Variants in CCDC6 observed in about 807,000 individuals in gnomAD.
CCDC6 encodes coiled-coil domain-containing protein 6.
A neutral mutation model predicts 56.6 loss-of-function variants in CCDC6; 20 were observed. That is an observed-to-expected ratio of 0.35 (90% CI 0.25 to 0.51). The LOEUF (loss-of-function observed/expected upper bound fraction) is 0.51. Among genes scored for constraint, CCDC6 ranks in the 20% least tolerant of loss-of-function variants. The pLI, the probability that CCDC6 is intolerant of heterozygous loss-of-function variation, is 0.95. For missense variants in CCDC6, 367 were observed against 601.1 expected (o/e 0.61, Z 4.07); for synonymous variants, 241 against 234.4 (o/e 1.03, Z -0.26).
intron 1 of CCDC6, among the ~76,000 whole-genome samples, chr10:59,901,959 T>G (rs1490519705): frequency 6.6e-6 from 1 of 152,138 alleles, no homozygotes; most frequent in Admixed American, 6.5e-5. Context: ...AAAAAGAAAT[T>G]ATGATCTGTA....
intron 6 of CCDC6, 165 bp downstream of exon 6, chr10:59,806,757 T>C: frequency 2.0e-6 from 1 of 501,268 alleles, no homozygotes. Context: ...TGTTCAATCT[T>C]TATCCCATTC....
rs1011775235 is a variant in CCDC6 at position 59,792,965 on chromosome 10, C to A, written c.1377G>T (p.Ser459=). ...CCGAATGTTGCGAAGGAGTAGGCTG[C>A]GAGGTGGCTGCTGAGGGGACCGTGG... is the stretch of plus-strand genomic sequence containing the variant. ...MQPTVPSAAT[S]QPTPSQHSAH... is the part of the protein sequence containing the mutation. Residue 459 remains serine (S), a synonymous_variant, in exon 9 of 9, where the codon TCG becomes TCT. Transcript: ENST00000263102. 2.5e-6 allele frequency: 4 copies of A among 1,612,082 alleles called. No individual in the cohort carries two copies. Among genetic ancestry groups the A allele is most frequent in the Non-Finnish European group, 3.4e-6 (4 of 1,179,158 alleles).
intron 1 of CCDC6, among the ~76,000 whole-genome samples, chr10:59,887,254 A>G (rs2071388862): frequency 6.6e-6 from 1 of 152,164 alleles, no homozygotes; most frequent in African/African-American, 2.4e-5. Flanking sequence ...CTGTCTGTAA[A>G]CAAGGATAAT....
At chr10:59,897,494 A>T (rs1310540440) in intron 1 of CCDC6, among the ~76,000 whole-genome samples, 1 of 152,152 alleles carries the variant, frequency 6.6e-6, no homozygotes, top group Non-Finnish European at 1.5e-5. Flanking sequence ...ACCTCAGGTG[A>T]TCCGCCTGCC....
intron 3 of CCDC6, among the ~76,000 whole-genome samples, chr10:59,829,609 A>G (rs2070818210): frequency 6.6e-6 from 1 of 152,236 alleles, no homozygotes; most frequent in Non-Finnish European, 1.5e-5. Flanking sequence ...AGAAGAGTAC[A>G]GATACAACAG....
At chr10:59,833,157 G>A (rs543436075) in intron 2 of CCDC6, among the ~76,000 whole-genome samples, 1 of 152,272 alleles carries the variant, frequency 6.6e-6, no homozygotes, top group African/African-American at 2.4e-5. Context: ...AAACCAAGAG[G>A]GAAAATGTTG....
intron 1 of CCDC6, among the ~76,000 whole-genome samples, chr10:59,873,714 C>T (rs915176371): frequency 1.3e-5 from 2 of 151,960 alleles, no homozygotes; most frequent in East Asian, 1.9e-4. Context: ...TTTTAATATG[C>T]CACTTTATTC....
chr10:59,900,805 TCC>T (rs1360020159), intron 1 of CCDC6, among the ~76,000 whole-genome samples: 1 of 152,196 alleles, frequency 6.6e-6, no homozygotes, highest in African/African-American at 2.4e-5. Context: ...ACACCTGTAA[TCC>T]TAGCACTTTG....
At chr10:59,876,068 GA>G (rs2071276886) in intron 1 of CCDC6, among the ~76,000 whole-genome samples, 2 of 8,518 alleles carry the variant, frequency 2.3e-4, no homozygotes, top group East Asian at 0.027. Context: ...TGCATGCACA[GA>G]TGTCTTTTTT....
At chr10:59,828,427 C>T (rs148354775) in intron 3 of CCDC6, among the ~76,000 whole-genome samples, 2 of 152,212 alleles carry the variant, frequency 1.3e-5, no homozygotes, top group African/African-American at 2.4e-5. Context: ...ATTTAAGATG[C>T]TAAATAAATG....
At position 59,790,294 on chromosome 10, in the gene CCDC6, C is replaced by A; in HGVS notation, c.*2623G>T. ...AGCCCCTGTTGCTCCCACCTGCCTG[C>A]AGGACGGCTACTGATTTTACAAAGG... On this transcript the variant is annotated 3_prime_UTR_variant, in exon 9 of 9. Coordinates refer to ENST00000263102, the MANE Select transcript of CCDC6 (RefSeq NM_005436.5). The A allele has an allele frequency of 4.5e-6, 1 of 220,732 alleles. No individual in the cohort carries two copies. The allele number at this position is 220,732 out of a possible 1,614,324, so 13.7% of individuals were successfully genotyped here. A position where few individuals can be genotyped will look rare whatever the true frequency, so the allele number is the denominator to read the frequency against.
At chr10:59,823,408 A>T (rs1171300365) in intron 3 of CCDC6, among the ~76,000 whole-genome samples, 2 of 152,142 alleles carry the variant, frequency 1.3e-5, no homozygotes, top group Non-Finnish European at 2.9e-5. Flanking sequence ...GCCAGTACCT[A>T]AGCAGCCAGC....
chr10:59,899,439 A>C (rs1430799546), intron 1 of CCDC6, among the ~76,000 whole-genome samples: 4 of 152,232 alleles, frequency 2.6e-5, no homozygotes. Context: ...TATTTCGGCA[A>C]GGCATGATTT....
intron 2 of CCDC6, among the ~76,000 whole-genome samples, chr10:59,840,863 T>C (rs1346248454): frequency 6.6e-6 from 1 of 152,248 alleles, no homozygotes; most frequent in Non-Finnish European, 1.5e-5. Context: ...TCAGTACTAC[T>C]TCCTGAATAA....
chr10:59,818,336 C>T (rs1269643290), intron 3 of CCDC6, among the ~76,000 whole-genome samples: 5 of 152,046 alleles, frequency 3.3e-5, no homozygotes, highest in East Asian at 3.9e-4. Context: ...CCTCAGCAAA[C>T]GTGGGCACCC....
intron 2 of CCDC6, among the ~76,000 whole-genome samples, chr10:59,833,654 G>GGGTT (rs79707242): frequency 1.9e-4 from 9 of 47,924 alleles, no homozygotes; most frequent in Non-Finnish European, 2.7e-4. Context: ...GGGGGGGGGG[G>GGGTT]TTTGTTGATC....
rs143744132 is a variant in CCDC6, at chr10:59,862,768, T to G, written c.304-10066A>C. On this transcript the variant is annotated intron_variant, in intron 1 of 8. Transcript: ENST00000263102. ...TTTGATAATATCAAGTGTTGACAAG[T>G]ATCAAGATCAGTGGGAATTCTTATA... 7.4e-4 allele frequency among the ~76,000 whole-genome samples: 113 copies of G among 152,188 alleles called. 1 individual carries two copies. Among genetic ancestry groups the G allele is most frequent in the African/African-American group, 2.7e-3 (113 of 41,500 alleles).
intron 3 of CCDC6, among the ~76,000 whole-genome samples, chr10:59,816,862 T>C (rs1424398675): frequency 6.6e-6 from 1 of 152,190 alleles, no homozygotes; most frequent in Admixed American, 6.5e-5. Context: ...GAGGGCTTAT[T>C]TGACAAGTGA....
chr10:59,889,986 G>A (rs914702971), intron 1 of CCDC6, among the ~76,000 whole-genome samples: 13 of 152,116 alleles, frequency 8.5e-5, no homozygotes, highest in African/African-American at 3.1e-4. Flanking sequence ...AACTCCACAT[G>A]GTTTGTTTTC....
Sources: gnomAD v4.1 joint callset for allele counts (sites outside exome capture counted in the v4.1 genomes callset) on GRCh38, gnomAD v4.1.1 for gene constraint, MANE v1.5 for transcripts, NCBI Gene and HGNC (gene_info 2026-07-23, HGNC 2026-07-21) for gene names.